CDH2: variants seen among roughly 807,000 people sequenced by gnomAD.
CDH2 encodes cadherin-2.
In CDH2, 17 loss-of-function variants were observed where a neutral mutation model predicts 92.0. That is an observed-to-expected ratio of 0.18 (90% confidence interval 0.13 to 0.28). The LOEUF is 0.28. CDH2 is among the 10% of genes least tolerant of loss of function. CDH2 has a pLI of 1.00. For missense variants in CDH2, 862 were observed against 1,133.1 expected (o/e 0.76, Z 3.44); for synonymous variants, 419 against 415.9 (o/e 1.01, Z -0.09).
At chr18:28,133,751 G>T (rs1160673509) in intron 2 of CDH2, among the ~76,000 whole-genome samples, 1 of 152,088 alleles carries the variant, frequency 6.6e-6, no homozygotes, top group Non-Finnish European at 1.5e-5. Context: ...CAAACAAGAA[G>T]ATTTATATTT....
rs139279998 is a variant in CDH2 at position 27,966,044 on chromosome 18, TCA to T, written c.2350-2525_2350-2524del. ...TTTATTCAGAGAAATTTTAATGCTT[TCA>T]CACTAAAAAATAAAATATGTTTTTT... On this transcript the variant is annotated intron_variant, in intron 14 of 15. Coordinates refer to ENST00000269141, the MANE Select transcript of CDH2 (RefSeq NM_001792.5). Among the ~76,000 whole-genome samples, 1,133 of 150,264 alleles carry T rather than the reference TCA, an allele frequency of 7.5e-3. 14 individuals carry two copies. The highest frequency in any genetic ancestry group is 0.025 in the African/African-American group (1,038 of 40,890).
intron 1 of CDH2, among the ~76,000 whole-genome samples, chr18:28,151,509 C>A (rs1167885778): frequency 6.6e-6 from 1 of 152,168 alleles, no homozygotes; most frequent in South Asian, 2.1e-4. Flanking sequence ...TCTACAGCAA[C>A]ACATGAAAAA....
intron 2 of CDH2, among the ~76,000 whole-genome samples, chr18:28,071,308 A>C (rs2014613845): frequency 6.6e-6 from 1 of 152,046 alleles, no homozygotes; most frequent in Non-Finnish European, 1.5e-5. Context: ...TCCTAAAGGG[A>C]CAGACTAATA....
intron 2 of CDH2, among the ~76,000 whole-genome samples, chr18:28,122,546 TAA>T (rs1337998864): frequency 6.6e-6 from 1 of 152,176 alleles, no homozygotes; most frequent in Non-Finnish European, 1.5e-5. Flanking sequence ...GACTCCATGG[TAA>T]AGAGTGGGGT....
intron 2 of CDH2, among the ~76,000 whole-genome samples, chr18:28,141,651 CTT>C (rs1196795493): frequency 1.3e-5 from 2 of 151,978 alleles, no homozygotes; most frequent in Admixed American, 6.6e-5. Context: ...CCCTTCCCCT[CTT>C]GTCATTCTGC....
intron 1 of CDH2, among the ~76,000 whole-genome samples, chr18:28,164,929 T>G (rs1384650390): frequency 6.6e-6 from 1 of 152,218 alleles, no homozygotes; most frequent in African/African-American, 2.4e-5. Flanking sequence ...TTAAAATATT[T>G]GCCCTTCAAT....
At chr18:28,014,233 C>T (rs1198515255) in intron 2 of CDH2, among the ~76,000 whole-genome samples, 1 of 152,084 alleles carries the variant, frequency 6.6e-6, no homozygotes. Context: ...CTATTACAAA[C>T]TTCCACTCAC....
chr18:28,126,088 A>G (rs1369369902), intron 2 of CDH2, among the ~76,000 whole-genome samples: 1 of 152,184 alleles, frequency 6.6e-6, no homozygotes, highest in Non-Finnish European at 1.5e-5. Context: ...GATTGTTAAA[A>G]GTTTATAGAT....
At chr18:28,142,602 C>A (rs17494989) in intron 2 of CDH2, among the ~76,000 whole-genome samples, 1,644 of 151,646 alleles carry the variant, frequency 0.011, 34 homozygotes, top group African/African-American at 0.037. Context: ...AAAAAAATGT[C>A]CTCCGCCCCT....
intron 14 of CDH2, among the ~76,000 whole-genome samples, chr18:27,979,612 C>A (rs2011972520): frequency 6.6e-6 from 1 of 152,208 alleles, no homozygotes; most frequent in South Asian, 2.1e-4. Context: ...GTAGTTAATT[C>A]TTCCAACAGA....
At chr18:28,065,099 A>C (rs1418265298) in intron 2 of CDH2, among the ~76,000 whole-genome samples, 1 of 151,818 alleles carries the variant, frequency 6.6e-6, no homozygotes, top group Non-Finnish European at 1.5e-5. Context: ...CTACTAAAAA[A>C]CTCTAGATTC....
chr18:28,059,418 GA>G (rs1363393950), intron 2 of CDH2, among the ~76,000 whole-genome samples: 2 of 152,202 alleles, frequency 1.3e-5, no homozygotes, highest in African/African-American at 4.8e-5. Flanking sequence ...CATGCTAAAG[GA>G]AACTAATTAA....
At chr18:27,954,743 C>T (rs966185182) in intron 15 of CDH2, 1 of 152,156 alleles carries the variant, frequency 6.6e-6, no homozygotes, top group Non-Finnish European at 1.5e-5. Flanking sequence ...TGTGTTTATT[C>T]ATTAGATTCA....
intron 2 of CDH2, among the ~76,000 whole-genome samples, chr18:28,060,815 G>A (rs1382517812): frequency 6.6e-6 from 1 of 152,118 alleles, no homozygotes; most frequent in Non-Finnish European, 1.5e-5. Context: ...GGCTCCTTCT[G>A]GTGAACCTCA....
At position 28,005,997 on chromosome 18, in the gene CDH2, C is replaced by A. The variant is rs746146698; in HGVS notation, c.703-4G>T. The A allele has an allele frequency of 3.7e-6, 6 of 1,604,456 alleles. No homozygotes were observed. The highest frequency in any genetic ancestry group is 5.1e-6 in the Non-Finnish European group (6 of 1,173,134). ...TATCTACTGCATGTGCCCTCAACTG[C>A]AAAAGTAATTAGAAAACAACTATTT... On this transcript the variant is annotated splice_region_variant and splice_polypyrimidine_tract_variant and intron_variant, in intron 5 of 15. Transcript: ENST00000269141.
chr18:27,941,714 A>G (rs189371763), intron 6 of CDH2, among the ~76,000 whole-genome samples: 22 of 152,360 alleles, frequency 1.4e-4, no homozygotes, highest in Admixed American at 1.1e-3. Flanking sequence ...TAGGTGAGCC[A>G]GGCTAAAATA....
At chr18:27,994,568 T>C (rs1386218152) in intron 7 of CDH2, among the ~76,000 whole-genome samples, 1 of 152,204 alleles carries the variant, frequency 6.6e-6, no homozygotes, top group Non-Finnish European at 1.5e-5. Flanking sequence ...CTGTGGAAAT[T>C]TGCAGATAGA....
At chr18:28,176,224 C>G (rs112997478) in intron 1 of CDH2, among the ~76,000 whole-genome samples, 1 of 152,176 alleles carries the variant, frequency 6.6e-6, no homozygotes, top group Admixed American at 6.5e-5. Flanking sequence ...CACAGGCAGC[C>G]GGACAGAGAA....
chr18:28,094,395 C>T (rs1021991038), intron 2 of CDH2, among the ~76,000 whole-genome samples: 10 of 151,274 alleles, frequency 6.6e-5, no homozygotes, highest in Admixed American at 1.3e-4. Context: ...GGCTGAGGCA[C>T]GAGAATTACT....
Sources: gnomAD v4.1 joint callset for allele counts (sites outside exome capture counted in the v4.1 genomes callset) on GRCh38, gnomAD v4.1.1 for gene constraint, MANE v1.5 for transcripts, NCBI Gene and HGNC (gene_info 2026-07-23, HGNC 2026-07-21) for gene names.